Variants in BACH2 observed in about 807,000 individuals in gnomAD.
The protein encoded by BACH2 is transcription regulator protein BACH2.
In BACH2, 5 loss-of-function variants were observed where a neutral mutation model predicts 61.8. The ratio of observed to expected loss-of-function variants is 0.08; its 90% CI spans 0.04 to 0.17. BACH2 has a LOEUF of 0.17. BACH2 is among the 10% of genes least tolerant of loss of function. The pLI, the probability that BACH2 is intolerant of heterozygous loss-of-function variation, is 1.00. For missense variants in BACH2, 824 were observed against 1,091.1 expected, an observed-to-expected ratio of 0.76 and a Z score of 3.45; for synonymous variants, 446 against 440.1, an observed-to-expected ratio of 1.01 and a Z score of -0.17.
chr6:90,273,450 A>T (rs1344959470), intron 1 of BACH2, among the ~76,000 whole-genome samples: 2 of 152,196 alleles, frequency 1.3e-5, no homozygotes, highest in African/African-American at 4.8e-5. Flanking sequence ...AGAACTTAGA[A>T]GAGTGCCTAG....
chr6:90,008,772 G>A lies in BACH2; in HGVS notation c.73C>T (p.Leu25=). Residue 25 remains leucine, a synonymous_variant, in exon 6 of 9, where the codon CTG becomes TTG. Transcript: ENST00000257749. This position sits in a 1 kb window ranked among gnomAD's most constrained non-coding sequence, Gnocchi z 4.1. ...TTTTTCCGCTGGTCATTGAGGCCCA[G>A]GAGGATGTTGGTGCAGTGGACTGTG... The part of the protein sequence containing the change: ...ESTVHCTNIL[L]GLNDQRKKDI... 6.2e-7 allele frequency: 1 copy of A among 1,614,204 alleles called. No homozygotes were observed. The highest frequency in any genetic ancestry group is 8.5e-7 in the Non-Finnish European group (1 of 1,180,026).
rs936831211 is a variant in BACH2, at chr6:90,271,958, G to A, written c.-445-17C>T. The A allele has an allele frequency of 4.6e-5, 7 of 152,432 alleles. No individual in the cohort carries two copies. The highest frequency in any genetic ancestry group is 1.9e-4 in the East Asian group (1 of 5,318). The allele number at this position is 152,432 out of a possible 1,614,324, so 9.4% of individuals were successfully genotyped here. A position where few individuals can be genotyped will look rare whatever the true frequency, so the allele number is the denominator to read the frequency against. ...ACGAACGCGCTGAAAGACAAAACAC[G>A]TTAGATCAGTTAGGTCACTATAACA... On this transcript the variant is annotated splice_polypyrimidine_tract_variant and intron_variant, in intron 1 of 8. Transcript: ENST00000257749.
chr6:90,155,933 T>C (rs1369603147), intron 4 of BACH2, among the ~76,000 whole-genome samples: 2 of 152,188 alleles, frequency 1.3e-5, no homozygotes, highest in Non-Finnish European at 2.9e-5. Context: ...CAATATTGCA[T>C]AAAGTCCTAT....
intron 3 of BACH2, among the ~76,000 whole-genome samples, chr6:90,216,740 C>G (rs566389308): frequency 6.9e-6 from 1 of 144,822 alleles, no homozygotes; most frequent in African/African-American, 2.9e-5. Context: ...AAATGTGGAG[C>G]AGAAGTTCTG....
At chr6:90,229,472 A>G (rs199553555) in intron 3 of BACH2, among the ~76,000 whole-genome samples, 1 of 145,464 alleles carries the variant, frequency 6.9e-6, no homozygotes, top group Non-Finnish European at 1.5e-5. Context: ...AAAAAAAAAG[A>G]AAAAAAAAAT....
intron 7 of BACH2, among the ~76,000 whole-genome samples, chr6:89,947,041 C>T (rs760480044): frequency 5.9e-5 from 9 of 152,098 alleles, no homozygotes; most frequent in African/African-American, 9.7e-5. Flanking sequence ...TGGCTCCCTA[C>T]GGGGTGGAGG....
intron 5 of BACH2, among the ~76,000 whole-genome samples, chr6:90,072,689 C>T (rs1288177825): frequency 6.6e-6 from 1 of 152,102 alleles, no homozygotes; most frequent in Non-Finnish European, 1.5e-5. Context: ...TTTCTTAGGC[C>T]TCTGACAGGT....
chr6:90,085,398 T>G (rs1781891581), intron 5 of BACH2, among the ~76,000 whole-genome samples: 1 of 152,166 alleles, frequency 6.6e-6, no homozygotes, highest in African/African-American at 2.4e-5. Flanking sequence ...GCTCTGGGAC[T>G]CTCTCTGTGC....
At position 89,950,475 on chromosome 6, in the gene BACH2, T is replaced by C; in HGVS notation, c.1631A>G (p.Glu544Gly). Reference protein sequence around the residue: ...GGSPCSLPLCEFSSSPCSQGA... With the variant: ...GGSPCSLPLCGFSSSPCSQGA... ...CTGGGAACAGGGCGAGGAGGAGAAC[T>C]CACAGAGAGGGAGGCTGCAGGGTGA... The change falls in exon 7 of 9, where the codon GAG becomes GGG. Residue 544 changes from glutamate to glycine, a missense_variant. Physicochemically the swap from Glu to Gly is moderately conservative, Grantham distance 98. Around this residue, in one of 8 missense-constraint regions of BACH2, gnomAD observed 160 missense variants for 283.5 expected, o/e 0.56. Coordinates refer to ENST00000257749, the MANE Select transcript of BACH2 (RefSeq NM_021813.4). The surrounding 1 kb of genome is among the most constrained non-coding windows in gnomAD (Gnocchi z 5.3). The C allele has an allele frequency of 6.2e-7, 1 of 1,614,140 alleles. No individual in the cohort carries two copies. The highest frequency in any genetic ancestry group is 8.5e-7 in the Non-Finnish European group (1 of 1,180,004).
intron 5 of BACH2, among the ~76,000 whole-genome samples, chr6:90,072,731 T>C (rs979598677): frequency 7.2e-5 from 11 of 152,088 alleles, no homozygotes; most frequent in Non-Finnish European, 1.6e-4. Context: ...ACAAATCCAT[T>C]CTATCAAGGG....
chr6:89,959,358 G>C lies in BACH2; in HGVS notation c.244-7496C>G, dbSNP rs1156569262. Among the ~76,000 whole-genome samples, 5 of 152,112 alleles carry C rather than the reference G, an allele frequency of 3.3e-5. No homozygotes were observed. The South Asian group carries it at 8.3e-4, about 25-fold the overall frequency. Reference sequence around the variant, plus strand: ...GCCTGACTCGAATCCCCATGATAGAGAGTCATGACTTGAATCAGTTAACAG... The same window carrying C: ...GCCTGACTCGAATCCCCATGATAGACAGTCATGACTTGAATCAGTTAACAG... On this transcript the variant is annotated intron_variant, in intron 6 of 8. Transcript: ENST00000257749.
intron 4 of BACH2, among the ~76,000 whole-genome samples, chr6:90,157,133 GAACA>G (rs1418819740): frequency 6.6e-6 from 1 of 152,260 alleles, no homozygotes; most frequent in Non-Finnish European, 1.5e-5. Context: ...AAAAAGGTAT[GAACA>G]AAGTGCAGAG....
chr6:89,970,979 T>C (rs918689109), intron 6 of BACH2, among the ~76,000 whole-genome samples: 1 of 152,258 alleles, frequency 6.6e-6, no homozygotes, highest in African/African-American at 2.4e-5. Flanking sequence ...AATTTGGAAC[T>C]TATGGTTTGT....
At chr6:90,247,059 T>G (rs1482333648) in intron 3 of BACH2, among the ~76,000 whole-genome samples, 1 of 152,194 alleles carries the variant, frequency 6.6e-6, no homozygotes, top group East Asian at 1.9e-4. Context: ...GTTTTTACTG[T>G]TTAATGAAAA....
At chr6:90,058,079 T>C (rs989499866) in intron 5 of BACH2, among the ~76,000 whole-genome samples, 73 of 152,144 alleles carry the variant, frequency 4.8e-4, no homozygotes, top group Middle Eastern at 3.4e-3. Context: ...GGGATGCCCG[T>C]TCTCACCACT....
Position 89,950,817 on chromosome 6 carries a change from C to G in BACH2, c.1289G>C (p.Ser430Thr). The G allele has an allele frequency of 6.2e-7, 1 of 1,614,130 alleles. No homozygotes were observed. Among genetic ancestry groups the G allele is most frequent in the Non-Finnish European group, 8.5e-7 (1 of 1,180,020 alleles). The change falls in exon 7 of 9, where the codon AGC becomes ACC. Residue 430 changes from serine (S) to threonine (T), a missense_variant. By Grantham distance (58) the Ser-to-Thr change is moderately conservative (BLOSUM62 1). Around this residue, in one of 8 missense-constraint regions of BACH2, gnomAD observed 9 missense variants for 27.6 expected, o/e 0.33. Transcript: ENST00000257749. This position sits in a 1 kb window ranked among gnomAD's most constrained non-coding sequence, Gnocchi z 5.3. ...ACAAGCGCTGGAGGAGAAGATCACG[C>G]TCCTCCGGTCCAGCTCTCCCTCCTG... ...CKQEGELDRRSVIFSSSACDQ... is the reference protein window; with the variant it reads ...CKQEGELDRRTVIFSSSACDQ...
Position 89,950,328 on chromosome 6 carries a change from G to T in BACH2, c.1778C>A (p.Ser593Tyr). 1 of 1,614,142 alleles carries T rather than the reference G, an allele frequency of 6.2e-7. No homozygotes were observed. Among genetic ancestry groups the T allele is most frequent in the Non-Finnish European group, 8.5e-7 (1 of 1,180,044 alleles). ...ACTGTCTGCTTCCGAGAACGATCCG[G>T]ATTCGTCACTGGAGTTGGTTCCATA... is the stretch of plus-strand genomic sequence containing the variant. ...QSYGTNSSDE[S>Y]GSFSEADSES... The change falls in exon 7 of 9, where the codon TCC becomes TAC. Residue 593 changes from serine (S) to tyrosine (Y), a missense_variant. Coordinates refer to ENST00000257749, the MANE Select transcript of BACH2 (RefSeq NM_021813.4). The surrounding 1 kb of genome is among the most constrained non-coding windows in gnomAD (Gnocchi z 5.3).
At chr6:90,065,979 A>G (rs895665065) in intron 5 of BACH2, among the ~76,000 whole-genome samples, 6 of 152,242 alleles carry the variant, frequency 3.9e-5, no homozygotes, top group Non-Finnish European at 8.8e-5. Flanking sequence ...CATTTCATAA[A>G]GAATGGGTAG....
intron 3 of BACH2, among the ~76,000 whole-genome samples, chr6:90,224,735 G>C (rs867299486): frequency 2.6e-5 from 4 of 152,298 alleles, no homozygotes; most frequent in Middle Eastern, 3.4e-3. Context: ...CTGCAGACCA[G>C]AGTTTGAAGA....
Sources: gnomAD v4.1 joint callset for allele counts (sites outside exome capture counted in the v4.1 genomes callset) on GRCh38, gnomAD v4.1.1 for gene constraint, gnomAD v4.1.1 regional missense constraint, Gnocchi (gnomAD v3.1) non-coding constraint, MANE v1.5 for transcripts, NCBI Gene and HGNC (gene_info 2026-07-23, HGNC 2026-07-21) for gene names.